Variants in KCNN2 observed in about 807,000 individuals in gnomAD.
The protein encoded by KCNN2 is potassium calcium-activated channel subfamily N member 2.
KCNN2 carries 24 observed loss-of-function variants against 55.5 expected under a neutral mutation model. The observed-to-expected ratio is 0.43, with a 90% CI of 0.31 to 0.61. The LOEUF (loss-of-function observed/expected upper bound fraction) is 0.61. Ranked by LOEUF, KCNN2 falls within the 20% of genes least tolerant of loss-of-function variation. The pLI, the probability that KCNN2 is intolerant of heterozygous loss-of-function variation, is 0.08. For missense variants in KCNN2, 754 were observed against 853.6 expected (o/e 0.88, Z 1.45); for synonymous variants, 431 against 336.1 (o/e 1.28, Z -3.09).
At chr5:114,326,646 C>T (rs1196133662) in intron 2 of KCNN2, among the ~76,000 whole-genome samples, 1 of 152,182 alleles carries the variant, frequency 6.6e-6, no homozygotes, top group Non-Finnish European at 1.5e-5. Context: ...AATTTCAGTT[C>T]AGCTTTCTCC....
rs1473783951 is a variant in KCNN2 at position 114,293,302 on chromosome 5, C to A, written c.-184-67643C>A. Among the ~76,000 whole-genome samples, 9 of 152,186 alleles carry A rather than the reference C, an allele frequency of 5.9e-5. 1 individual carries two copies. In the East Asian group the frequency reaches 1.5e-3, roughly 26 times the overall value. On this transcript the variant is annotated intron_variant, in intron 2 of 10. Coordinates refer to the KCNN2 transcript ENST00000512097. Reference sequence around the variant, plus strand: ...AAAGGGAATGCTTCCAGTTTTTGCCCATTCAGTATGATATTGGCTGTGGGT... The same window carrying A: ...AAAGGGAATGCTTCCAGTTTTTGCCAATTCAGTATGATATTGGCTGTGGGT...
chr5:114,060,280 A>G (rs535959239), intron 1 of KCNN2, among the ~76,000 whole-genome samples: 13 of 152,312 alleles, frequency 8.5e-5, no homozygotes, highest in African/African-American at 3.1e-4. Context: ...ACCACATCCC[A>G]TGCCCTTGGG....
intron 2 of KCNN2, among the ~76,000 whole-genome samples, chr5:114,369,428 A>G (rs1757698354): frequency 6.6e-6 from 1 of 152,172 alleles, no homozygotes; most frequent in Admixed American, 6.5e-5. Context: ...TTGAAGATGA[A>G]GGAAGCTAAA....
chr5:114,475,670 C>T (rs755067234), intron 5 of KCNN2, among the ~76,000 whole-genome samples: 14 of 152,114 alleles, frequency 9.2e-5, no homozygotes, highest in Non-Finnish European at 1.8e-4. Context: ...GAAAATCAGA[C>T]GAAATCTCAG....
At chr5:114,213,443 C>T (rs1017986338) in intron 1 of KCNN2, among the ~76,000 whole-genome samples, 13 of 148,636 alleles carry the variant, frequency 8.7e-5, no homozygotes, top group African/African-American at 3.2e-4. Flanking sequence ...TTTTTTAATT[C>T]AGTACATCCT....
rs1561421344 is a variant in KCNN2, at chr5:114,496,098, T to G, written c.2292T>G (p.Thr764=). 1 of 1,614,030 alleles carries G rather than the reference T, an allele frequency of 6.2e-7. No individual in the cohort carries two copies. The highest frequency in any genetic ancestry group is 2.2e-5 in the East Asian group (1 of 44,850). ...AQMESYDKHV[T]YNAERSRSSS... is the part of the protein sequence containing the mutation. ...TGGAGAGCTACGACAAGCACGTCACTTACAATGCTGAGCGGTCCCGGTCCT... is the reference window on the plus strand; with the variant it reads ...TGGAGAGCTACGACAAGCACGTCACGTACAATGCTGAGCGGTCCCGGTCCT... The change falls in exon 8 of 8, where the codon ACT becomes ACG. Residue 764 remains threonine (T), a synonymous_variant. Transcript: ENST00000673685.
intron 1 of KCNN2, among the ~76,000 whole-genome samples, chr5:114,063,114 G>C (rs1338961188): frequency 6.6e-6 from 1 of 152,172 alleles, no homozygotes; most frequent in African/African-American, 2.4e-5. Context: ...ACAGGCCTTA[G>C]CAACTGCAGG....
intron 1 of KCNN2, among the ~76,000 whole-genome samples, chr5:114,168,096 G>C (rs539359200): frequency 1.1e-4 from 17 of 150,028 alleles, no homozygotes; most frequent in African/African-American, 4.2e-4. Flanking sequence ...GTTGTTTCTA[G>C]TTTTTTTAAG....
At chr5:114,494,127 T>A (rs1192495650) in intron 7 of KCNN2, among the ~76,000 whole-genome samples, 1 of 152,064 alleles carries the variant, frequency 6.6e-6, no homozygotes, top group Non-Finnish European at 1.5e-5. Context: ...ACATAAATAT[T>A]TGTCAATAAT....
chr5:114,353,244 C>G (rs545920306), intron 2 of KCNN2, among the ~76,000 whole-genome samples: 2 of 151,808 alleles, frequency 1.3e-5, no homozygotes, highest in Non-Finnish European at 3.0e-5. Context: ...GTATAACAGA[C>G]AGTAGATATG....
chr5:114,411,276 A>G (rs952683587), intron 3 of KCNN2, among the ~76,000 whole-genome samples: 3 of 152,080 alleles, frequency 2.0e-5, no homozygotes, highest in Non-Finnish European at 4.4e-5. Flanking sequence ...CTGGAAGATG[A>G]TTTCTGAAAT....
At chr5:114,160,062 C>T (rs1370634222) in intron 1 of KCNN2, among the ~76,000 whole-genome samples, 7 of 152,034 alleles carry the variant, frequency 4.6e-5, no homozygotes, top group Non-Finnish European at 8.8e-5. Flanking sequence ...AATGTGTTTG[C>T]TCTTGCTTCT....
At chr5:114,259,835 A>G (rs1260670157) in intron 2 of KCNN2, among the ~76,000 whole-genome samples, 1 of 152,078 alleles carries the variant, frequency 6.6e-6, no homozygotes, top group Non-Finnish European at 1.5e-5. Context: ...TGAGGTCTTC[A>G]CTAGGTTCCA....
chr5:114,446,791 A>C (rs1278498378), intron 3 of KCNN2, among the ~76,000 whole-genome samples: 2 of 152,130 alleles, frequency 1.3e-5, no homozygotes, highest in Admixed American at 1.3e-4. Context: ...CCTGCAATCT[A>C]CTTGGAAGGC....
At chr5:114,414,433 G>A (rs924930108) in intron 3 of KCNN2, among the ~76,000 whole-genome samples, 2 of 152,110 alleles carry the variant, frequency 1.3e-5, no homozygotes, top group African/African-American at 4.8e-5. Context: ...TCTCTTAGGA[G>A]GGACTATGTG....
At chr5:114,397,084 A>G (rs562949612) in intron 2 of KCNN2, among the ~76,000 whole-genome samples, 4 of 152,322 alleles carry the variant, frequency 2.6e-5, no homozygotes, top group Admixed American at 2.0e-4. Flanking sequence ...GCAGTATTCC[A>G]TAGTGTACAC....
chr5:114,493,964 C>T (rs1269252335), intron 7 of KCNN2, among the ~76,000 whole-genome samples: 2 of 152,120 alleles, frequency 1.3e-5, no homozygotes, highest in East Asian at 3.9e-4. Flanking sequence ...CTAAAGTGAT[C>T]ACTTTTTTAT....
intron 1 of KCNN2, among the ~76,000 whole-genome samples, chr5:114,130,348 A>G (rs1752047009): frequency 6.6e-6 from 1 of 152,204 alleles, no homozygotes; most frequent in Non-Finnish European, 1.5e-5. Context: ...CACTAGTAGA[A>G]CTTAAGTGGG....
At chr5:114,348,801 C>T (rs774432780) in intron 2 of KCNN2, among the ~76,000 whole-genome samples, 62 of 152,098 alleles carry the variant, frequency 4.1e-4, no homozygotes, top group Non-Finnish European at 8.1e-4. Flanking sequence ...TCTTATAGAT[C>T]AAAGGTTGCC....
Sources: gnomAD v4.1 joint callset for allele counts (sites outside exome capture counted in the v4.1 genomes callset) on GRCh38, gnomAD v4.1.1 for gene constraint, MANE v1.5 for transcripts, NCBI Gene and HGNC (gene_info 2026-07-23, HGNC 2026-07-21) for gene names.